The following RCAN1 variants were observed in gnomAD, a reference collection of about 807,000 sequenced individuals.
RCAN1 encodes the protein regulator of calcineurin 1, also known as calcipressin-1.
RCAN1 carries 11 observed loss-of-function variants against 22.9 expected under a neutral mutation model. The observed-to-expected ratio is 0.48, with a 90% CI of 0.30 to 0.79. The LOEUF is 0.79. Among genes scored for constraint, RCAN1 ranks in the 30% least tolerant of loss-of-function variants. The probability of loss-of-function intolerance (pLI) is 0.06; values close to 1 mark genes in which losing one functional copy is unlikely to be tolerated. For missense variants in RCAN1, 291 were observed against 337.8 expected, an observed-to-expected ratio of 0.86 and a Z score of 1.09; for synonymous variants, 136 against 142.3, an observed-to-expected ratio of 0.96 and a Z score of 0.32.
At chr21:34,537,890 C>G (rs1003998586) in intron 1 of RCAN1, among the ~76,000 whole-genome samples, 11 of 152,152 alleles carry the variant, frequency 7.2e-5, no homozygotes, top group Admixed American at 5.9e-4. Flanking sequence ...CATCACATTC[C>G]TATGGGTGAC....
Position 34,517,794 on chromosome 21 carries a change from T to C in RCAN1, c.*290A>G, listed in dbSNP as rs1984150309. The C allele has an allele frequency of 2.4e-6, 1 of 408,212 alleles. No individual in the cohort carries two copies. The highest frequency in any genetic ancestry group is 4.5e-6 in the Non-Finnish European group (1 of 224,382). The allele number at this position is 408,212 out of a possible 1,614,324, so 25.3% of individuals were successfully genotyped here. ...ACAGAACCTACCAGAAAAGAACAAGTACAAAACACTATCATTATCTGTTTT... is the reference window on the plus strand; with the variant it reads ...ACAGAACCTACCAGAAAAGAACAAGCACAAAACACTATCATTATCTGTTTT... On this transcript the variant is annotated 3_prime_UTR_variant, in exon 4 of 4. Coordinates refer to ENST00000313806, the MANE Select transcript of RCAN1 (RefSeq NM_004414.7).
chr21:34,556,107 C>T (rs867223582), intron 1 of RCAN1, among the ~76,000 whole-genome samples: 74 of 7,576 alleles, frequency 9.8e-3, no homozygotes, highest in Middle Eastern at 0.045. Context: ...TAATTAAAGG[C>T]CAAAAAAAAA....
intron 1 of RCAN1, among the ~76,000 whole-genome samples, chr21:34,538,248 C>G (rs751364762): frequency 2.6e-5 from 4 of 152,214 alleles, no homozygotes; most frequent in Non-Finnish European, 4.4e-5. Context: ...CTTAAAAGAT[C>G]ATTCGGAGAA....
chr21:34,541,933 CA>C (rs1203945433), intron 1 of RCAN1, among the ~76,000 whole-genome samples: 3 of 151,196 alleles, frequency 2.0e-5, no homozygotes, highest in Non-Finnish European at 4.4e-5. Flanking sequence ...GACTCCATCT[CA>C]AAAAAAATAA....
chr21:34,521,277 G>C, intron 3 of RCAN1: 4 of 1,444,616 alleles, frequency 2.8e-6, no homozygotes, highest in Non-Finnish European at 3.6e-6. Context: ...GTGATGCAGG[G>C]TCCCCACGAT....
chr21:34,554,596 C>T (rs868828359), intron 1 of RCAN1, among the ~76,000 whole-genome samples: 25 of 152,164 alleles, frequency 1.6e-4, no homozygotes, highest in African/African-American at 2.9e-4. Flanking sequence ...CAGGATATTT[C>T]GTGTGAAGTA....
intron 1 of RCAN1, among the ~76,000 whole-genome samples, chr21:34,601,907 C>T (rs1046886305): frequency 6.6e-6 from 1 of 151,802 alleles, no homozygotes; most frequent in African/African-American, 2.4e-5. Context: ...TAGACACCTT[C>T]ACACTCACTG....
chr21:34,609,499 T>C (rs1195045449), intron 1 of RCAN1, among the ~76,000 whole-genome samples: 1 of 152,160 alleles, frequency 6.6e-6, no homozygotes, highest in East Asian at 1.9e-4. Context: ...TGCGGTGATA[T>C]GTATGAAAAT....
intron 1 of RCAN1, among the ~76,000 whole-genome samples, chr21:34,605,112 A>G (rs1988481824): frequency 6.6e-6 from 1 of 152,194 alleles, no homozygotes; most frequent in Non-Finnish European, 1.5e-5. Flanking sequence ...GCCAGAGGAG[A>G]TTAACATTTG....
chr21:34,536,265 C>G (rs1324922285), intron 1 of RCAN1, among the ~76,000 whole-genome samples: 3 of 152,194 alleles, frequency 2.0e-5, no homozygotes, highest in Non-Finnish European at 2.9e-5. Flanking sequence ...CAAAGCCACC[C>G]TAATTAATTA....
intron 1 of RCAN1, among the ~76,000 whole-genome samples, chr21:34,556,216 G>C (rs1986567208): frequency 6.6e-6 from 1 of 150,520 alleles, no homozygotes; most frequent in Admixed American, 6.6e-5. Context: ...TTGAGCTCAG[G>C]AGTTTCGGAC....
At chr21:34,524,140 T>G (rs1390005184) in intron 1 of RCAN1, 1 of 155,602 alleles carries the variant, frequency 6.4e-6, no homozygotes. Flanking sequence ...CTAACTTCTT[T>G]CTTAGAGAAA....
intron 1 of RCAN1, among the ~76,000 whole-genome samples, chr21:34,562,897 T>A (rs1395672060): frequency 6.6e-6 from 1 of 152,264 alleles, no homozygotes; most frequent in Non-Finnish European, 1.5e-5. Context: ...CCTATTCATG[T>A]TGCATCCATG....
At chr21:34,601,469 T>C (rs1311996680) in intron 1 of RCAN1, among the ~76,000 whole-genome samples, 1 of 152,152 alleles carries the variant, frequency 6.6e-6, no homozygotes, top group East Asian at 1.9e-4. Context: ...CTGCTGTACA[T>C]TGATGTAGTT....
intron 1 of RCAN1, among the ~76,000 whole-genome samples, chr21:34,577,948 A>G (rs1389337441): frequency 1.3e-5 from 2 of 152,222 alleles, no homozygotes; most frequent in Non-Finnish European, 2.9e-5. Flanking sequence ...AGCTTCGGAC[A>G]CAGTGTGAAA....
At chr21:34,568,120 G>T (rs1987098017) in intron 1 of RCAN1, among the ~76,000 whole-genome samples, 1 of 152,128 alleles carries the variant, frequency 6.6e-6, no homozygotes, top group Admixed American at 6.5e-5. Context: ...GCATGCCATG[G>T]TCCCTTTAGA....
At chr21:34,585,018 GT>G (rs1987741229) in intron 1 of RCAN1, among the ~76,000 whole-genome samples, 1 of 152,162 alleles carries the variant, frequency 6.6e-6, no homozygotes, top group Non-Finnish European at 1.5e-5. Flanking sequence ...AAACAGTGTA[GT>G]TTATTATGAA....
At chr21:34,538,313 T>C (rs1985765586) in intron 1 of RCAN1, among the ~76,000 whole-genome samples, 1 of 152,202 alleles carries the variant, frequency 6.6e-6, no homozygotes, top group African/African-American at 2.4e-5. Flanking sequence ...ATTCCTTATG[T>C]TGAAAATGAT....
chr21:34,526,863 G>A, intron 1 of RCAN1: 2 of 1,468,510 alleles, frequency 1.4e-6, no homozygotes, highest in Non-Finnish European at 1.8e-6. Context: ...AGCAGTAAGG[G>A]CCAGCCCCCA....
Sources: allele counts gnomAD v4.1 joint callset (sites outside exome capture counted in the v4.1 genomes callset), GRCh38; gene constraint gnomAD v4.1.1; transcripts MANE v1.5; gene names NCBI Gene and HGNC (gene_info 2026-07-23, HGNC 2026-07-21).